SPI1: variants seen among roughly 807,000 people sequenced by gnomAD.
SPI1 encodes the protein transcription factor PU.1.
A neutral mutation model predicts 30.7 loss-of-function variants in SPI1; 3 were observed. The observed-to-expected ratio is 0.10, with a 90% CI of 0.04 to 0.25. The LOEUF is 0.25. SPI1 is among the 10% of genes least tolerant of loss of function. The pLI is 1.00. For synonymous variants in SPI1, 169 were observed against 157.1 expected, an observed-to-expected ratio of 1.08 and a Z score of -0.56; for missense variants, 261 against 371.5, an observed-to-expected ratio of 0.70 and a Z score of 2.45.
intron 2 of SPI1, among the ~76,000 whole-genome samples, chr11:47,360,739 C>T: frequency 7.1e-6 from 1 of 140,348 alleles, no homozygotes; most frequent in African/African-American, 2.7e-5. Context: ...GCAGGAGAAT[C>T]GCTTGAACCC....
At position 47,374,378 on chromosome 11, in the gene SPI1, G is replaced by A. The variant is rs546988453; in HGVS notation, c.142+1255C>T. On this transcript the variant is annotated intron_variant, in intron 2 of 4. Transcript: ENST00000378538. The surrounding 1 kb of genome is among the most constrained non-coding windows in gnomAD (Gnocchi z 4.5). The stretch of plus-strand genomic sequence containing the variant: ...AGATGCCTGTGCGTTCCCAGCTGTG[G>A]CCTGGAGGCATATCCGCCTACCCCT... Among the ~76,000 whole-genome samples, 2 of 152,334 alleles carry A rather than the reference G, an allele frequency of 1.3e-5. No individual in the cohort carries two copies. Among genetic ancestry groups the A allele is most frequent in the East Asian group, 3.9e-4 (2 of 5,192 alleles).
At chr11:47,366,134 T>C (rs552397194) in intron 2 of SPI1, among the ~76,000 whole-genome samples, 1 of 152,312 alleles carries the variant, frequency 6.6e-6, no homozygotes, top group South Asian at 2.1e-4. Context: ...CCATTCATCA[T>C]GGAACCATTA....
intron 4 of SPI1, chr11:47,358,166 C>G: frequency 4.4e-6 from 1 of 227,440 alleles, no homozygotes; most frequent in Non-Finnish European, 9.0e-6. Context: ...CACACCCACT[C>G]ACACATCCAC....
chr11:47,356,433 C>G (rs2142877105), intron 4 of SPI1, among the ~76,000 whole-genome samples: 1 of 151,750 alleles, frequency 6.6e-6, no homozygotes, highest in South Asian at 2.1e-4. Context: ...CCCACTCACA[C>G]ACATGCACAC....
At position 47,359,063 on chromosome 11, in the gene SPI1, G is replaced by T; in HGVS notation, c.331-57C>A. 17 of 1,471,828 alleles carry T rather than the reference G, an allele frequency of 1.2e-5. No individual in the cohort carries two copies. The highest frequency in any genetic ancestry group is 1.5e-5 in the Non-Finnish European group (17 of 1,103,148). The allele number at this position is 1,471,828 out of a possible 1,614,324, so 91.2% of individuals were successfully genotyped here. ...GAAGGGCCAGCTTACAGCTCAGGGGGGCTGGGAGGGAGGTCAGCTGGGGAG... is the reference window on the plus strand; with the variant it reads ...GAAGGGCCAGCTTACAGCTCAGGGGTGCTGGGAGGGAGGTCAGCTGGGGAG... On this transcript the variant is annotated intron_variant, in intron 3 of 4. Coordinates refer to ENST00000378538, the MANE Select transcript of SPI1 (RefSeq NM_003120.3). This position sits in a 1 kb window ranked among gnomAD's most constrained non-coding sequence, Gnocchi z 5.1.
rs1018899295 is a variant in SPI1, at chr11:47,359,515, C to T, written c.330+338G>A. On this transcript the variant is annotated intron_variant, in intron 3 of 4. Transcript: ENST00000378538. The surrounding 1 kb of genome is among the most constrained non-coding windows in gnomAD (Gnocchi z 5.1). ...GAGAGGCAGGGTCAGTAGAGGTGTT[C>T]AGTGACTTGGTGTGGGATCCATGAG... 6.6e-6 allele frequency among the ~76,000 whole-genome samples: 1 copy of T among 151,978 alleles called. No individual in the cohort carries two copies. Among genetic ancestry groups the T allele is most frequent in the African/African-American group, 2.4e-5 (1 of 41,354 alleles).
chr11:47,355,226 C>G lies in SPI1; in HGVS notation c.*1G>C. The G allele has an allele frequency of 1.5e-6, 2 of 1,374,612 alleles. No homozygotes were observed. Among genetic ancestry groups the G allele is most frequent in the Non-Finnish European group, 1.9e-6 (2 of 1,069,926 alleles). 85.2% of individuals were successfully genotyped at this position (1,374,612 alleles called of 1,614,324 possible). A position where few individuals can be genotyped will look rare whatever the true frequency, so the allele number is the denominator to read the frequency against. Reference sequence around the variant, plus strand: ...GGCGGGGCCCGGCGGGGGCTGCGGGCTCAGTGGGGCGGGTGGCGCCGCTCG... The same window carrying G: ...GGCGGGGCCCGGCGGGGGCTGCGGGGTCAGTGGGGCGGGTGGCGCCGCTCG... On this transcript the variant is annotated 3_prime_UTR_variant, in exon 5 of 5. Coordinates refer to ENST00000378538, the MANE Select transcript of SPI1 (RefSeq NM_003120.3).
At chr11:47,355,698 G>A (rs2095907140) in intron 4 of SPI1, 152 bp from the exon 5 acceptor site, 2 of 621,608 alleles carry the variant, frequency 3.2e-6, no homozygotes, top group Non-Finnish European at 5.5e-6. Flanking sequence ...CATACACAAC[G>A]CACCCACACT....
intron 1 of SPI1, among the ~76,000 whole-genome samples, chr11:47,377,449 C>T (rs1263180753): frequency 1.3e-5 from 2 of 152,084 alleles, no homozygotes; most frequent in African/African-American, 4.8e-5. Context: ...CTGACACCTG[C>T]CTAAGGCTGC....
chr11:47,373,384 A>G (rs749887905), intron 2 of SPI1, among the ~76,000 whole-genome samples: 4 of 151,376 alleles, frequency 2.6e-5, no homozygotes, highest in Admixed American at 2.0e-4. Context: ...GCGGTGGTTC[A>G]CACCTGTAAT....
Position 47,374,630 on chromosome 11 carries a change from C to T in SPI1, c.142+1003G>A, listed in dbSNP as rs942714012. Among the ~76,000 whole-genome samples, 11 of 152,206 alleles carry T rather than the reference C, an allele frequency of 7.2e-5. No homozygotes were observed. The highest frequency in any genetic ancestry group is 2.1e-4 in the South Asian group (1 of 4,838). ...CAGACACCCCAGTCGCTGGTCTGCC[C>T]GGGTCCCAGACGCCCTGAGGAATTC... On this transcript the variant is annotated intron_variant, in intron 2 of 4. Coordinates refer to ENST00000378538, the MANE Select transcript of SPI1 (RefSeq NM_003120.3). This position sits in a 1 kb window ranked among gnomAD's most constrained non-coding sequence, Gnocchi z 4.5.
intron 4 of SPI1, 53 bp from the exon 5 acceptor site, chr11:47,355,599 C>T: frequency 1.4e-6 from 2 of 1,457,120 alleles, no homozygotes; most frequent in South Asian, 1.3e-5. Context: ...ATGGGAGCCG[C>T]CCCCACCGCC....
At chr11:47,363,963 CAAAAAAAAAAAA>C (rs1161379136) in intron 2 of SPI1, among the ~76,000 whole-genome samples, 1 of 58,882 alleles carries the variant, frequency 1.7e-5, no homozygotes, top group Non-Finnish European at 3.0e-5. Context: ...ACTCGGTCTC[CAAAAAAAAAAAA>C]AAAAAAAAAA....
intron 2 of SPI1, among the ~76,000 whole-genome samples, chr11:47,370,167 C>A (rs1246530252): frequency 3.3e-5 from 5 of 152,186 alleles, no homozygotes; most frequent in Non-Finnish European, 7.3e-5. Context: ...CTTTGGGAGG[C>A]TGAGGCCAGT....
At chr11:47,367,627 AAAAG>A (rs966917540) in intron 2 of SPI1, among the ~76,000 whole-genome samples, 19 of 152,184 alleles carry the variant, frequency 1.2e-4, no homozygotes, top group East Asian at 3.9e-4. Flanking sequence ...AGTTAAAAAA[AAAAG>A]AAAGAAAAAA....
intron 1 of SPI1, among the ~76,000 whole-genome samples, chr11:47,376,847 G>A (rs1010442356): frequency 1.3e-5 from 2 of 152,190 alleles, no homozygotes; most frequent in East Asian, 1.9e-4. Flanking sequence ...ACCCTACCAG[G>A]AGACACTCAG....
chr11:47,369,972 A>AT (rs1167605048), intron 2 of SPI1, among the ~76,000 whole-genome samples: 2 of 152,228 alleles, frequency 1.3e-5, no homozygotes, highest in African/African-American at 4.8e-5. Context: ...TGGTATTGTC[A>AT]TGAAGAAGTT....
chr11:47,358,889 C>T lies in SPI1; in HGVS notation c.448G>A (p.Ala150Thr), dbSNP rs1331911137. Residue 150 changes from alanine to threonine, a missense_variant, in exon 4 of 5, where the codon GCG becomes ACG. Ala to Thr is a moderately conservative substitution (Grantham distance 58). Transcript: ENST00000378538. ...SPPLEVSDGE[A>T]DGLEPGPGLL... ...CCAGGCCCGGGCTCCAGGCCATCCG[C>T]CTCGCCGTCAGACACCTCCAGTGGG... 2 of 1,558,594 alleles carry T rather than the reference C, an allele frequency of 1.3e-6. No homozygotes were observed. The highest frequency in any genetic ancestry group is 1.2e-5 in the South Asian group (1 of 84,390).
At chr11:47,362,381 G>A (rs2142886989) in intron 2 of SPI1, among the ~76,000 whole-genome samples, 1 of 152,124 alleles carries the variant, frequency 6.6e-6, no homozygotes, top group South Asian at 2.1e-4. Flanking sequence ...ACCGGCCTGG[G>A]CAACATAGTG....
Sources: gnomAD v4.1 joint callset for allele counts (sites outside exome capture counted in the v4.1 genomes callset) on GRCh38, gnomAD v4.1.1 for gene constraint, Gnocchi (gnomAD v3.1) non-coding constraint, MANE v1.5 for transcripts, NCBI Gene and HGNC (gene_info 2026-07-23, HGNC 2026-07-21) for gene names.